Variants in ARHGAP32 observed in about 807,000 individuals in gnomAD.
The protein encoded by ARHGAP32 is rho GTPase-activating protein 32.
Under a neutral mutation model 186.5 loss-of-function variants are expected in ARHGAP32, and 51 were observed. That is an observed-to-expected ratio of 0.27 (90% CI 0.22 to 0.35). The LOEUF (loss-of-function observed/expected upper bound fraction) is 0.35, where lower values mean the gene tolerates loss of function less well. ARHGAP32 is among the 10% of genes least tolerant of loss of function. ARHGAP32 has a pLI of 1.00. For missense variants in ARHGAP32, 2,186 were observed against 2,623.5 expected (o/e 0.83, Z 3.64); for synonymous variants, 950 against 964.3 (o/e 0.99, Z 0.27).
rs766199737 is a variant in ARHGAP32, at chr11:128,980,624, A to G, written c.1905T>C (p.Tyr635=). The G allele has an allele frequency of 3.7e-6, 6 of 1,613,866 alleles. No homozygotes were observed. Among genetic ancestry groups the G allele is most frequent in the Non-Finnish European group, 5.1e-6 (6 of 1,179,924 alleles). Residue 635 remains tyrosine (Y), a synonymous_variant, in exon 18 of 23, where the codon TAT becomes TAC. Transcript: ENST00000682385. ...VNSPIVTENK[Y]IEVGEGPAAL... ...CAGCAGGTCCTTCTCCTACTTCGAT[A>G]TATTTATTTTCCGTCACAATTGGAG...
intron 10 of ARHGAP32, among the ~76,000 whole-genome samples, chr11:129,048,436 T>A (rs1436135567): frequency 1.3e-5 from 2 of 151,698 alleles, no homozygotes; most frequent in Non-Finnish European, 2.9e-5. Flanking sequence ...AAAAAGAAAA[T>A]CAGATACTAA....
At chr11:129,254,502 G>C (rs1301322808) in intron 1 of ARHGAP32, among the ~76,000 whole-genome samples, 1 of 152,060 alleles carries the variant, frequency 6.6e-6, no homozygotes, top group African/African-American at 2.4e-5. Context: ...TCCTCCAACA[G>C]AAGCAATGTG....
intron 10 of ARHGAP32, among the ~76,000 whole-genome samples, chr11:129,055,598 G>T (rs942091942): frequency 2.6e-5 from 4 of 152,104 alleles, no homozygotes; most frequent in African/African-American, 9.7e-5. Context: ...ATTAGATAGT[G>T]ATTCAAAAAG....
chr11:129,149,056 A>T (rs1292273889), intron 2 of ARHGAP32, among the ~76,000 whole-genome samples: 1 of 152,174 alleles, frequency 6.6e-6, no homozygotes, highest in Admixed American at 6.5e-5. Flanking sequence ...TGGGGGCTTT[A>T]TGGCCCCATC....
At chr11:129,163,713 A>T (rs797012494) in intron 2 of ARHGAP32, among the ~76,000 whole-genome samples, 5 of 152,310 alleles carry the variant, frequency 3.3e-5, no homozygotes, top group African/African-American at 1.2e-4. Context: ...TACTCACAGT[A>T]ACCTGAGACT....
intron 19 of ARHGAP32, among the ~76,000 whole-genome samples, chr11:128,977,575 C>T (rs1319813280): frequency 6.6e-6 from 1 of 152,136 alleles, no homozygotes; most frequent in Admixed American, 6.5e-5. Flanking sequence ...AGGTGAATCC[C>T]TACTTCTCCT....
At chr11:129,011,267 C>T (rs762444394) in intron 11 of ARHGAP32, among the ~76,000 whole-genome samples, 3 of 152,178 alleles carry the variant, frequency 2.0e-5, no homozygotes, top group Non-Finnish European at 2.9e-5. Context: ...TAAACTGAGG[C>T]AGAGAATGCT....
intron 1 of ARHGAP32, among the ~76,000 whole-genome samples, chr11:129,258,281 A>C (rs1591723800): frequency 1.3e-5 from 2 of 152,322 alleles, no homozygotes; most frequent in Admixed American, 1.3e-4. Context: ...TAAAAGATAC[A>C]TTGATCAACC....
In ARHGAP32 at chr11:129,277,956, G is replaced by C. The variant is rs139961779; in HGVS notation, c.-5+1190C>G. 5.3e-4 allele frequency among the ~76,000 whole-genome samples: 81 copies of C among 152,320 alleles called. 1 individual carries two copies. The highest frequency in any genetic ancestry group is 1.6e-3 in the African/African-American group (67 of 41,574). ...TATCCAATAAGGAAGGATATATTGAGTCACAACCATAAATACTCAAAAATA... is the reference window on the plus strand; with the variant it reads ...TATCCAATAAGGAAGGATATATTGACTCACAACCATAAATACTCAAAAATA... On this transcript the variant is annotated intron_variant, in intron 1 of 6. Coordinates refer to the ARHGAP32 transcript ENST00000525234.
intron 1 of ARHGAP32, among the ~76,000 whole-genome samples, chr11:129,249,595 T>C (rs1461801333): frequency 6.6e-6 from 1 of 152,134 alleles, no homozygotes; most frequent in Non-Finnish European, 1.5e-5. Context: ...TGAAAATCTA[T>C]CCCGAACTGT....
intron 2 of ARHGAP32, 98 bp from the exon 3 acceptor site, chr11:129,124,992 T>C: frequency 1.4e-6 from 1 of 739,214 alleles, no homozygotes; most frequent in East Asian, 2.7e-5. Context: ...TGCTGACTTT[T>C]TACCTACAAA....
At chr11:129,100,973 T>C (rs1260426666) in intron 5 of ARHGAP32, among the ~76,000 whole-genome samples, 3 of 152,138 alleles carry the variant, frequency 2.0e-5, no homozygotes, top group African/African-American at 7.2e-5. Flanking sequence ...ATGAAATGCT[T>C]TGACTGTCAC....
At chr11:129,189,111 C>CA (rs1030245859) in intron 1 of ARHGAP32, among the ~76,000 whole-genome samples, 3 of 151,668 alleles carry the variant, frequency 2.0e-5, no homozygotes, top group Non-Finnish European at 1.5e-5. Flanking sequence ...ATAACCTCCT[C>CA]AAAAAAAAGG....
At chr11:129,128,406 A>G (rs1312398592) in intron 2 of ARHGAP32, among the ~76,000 whole-genome samples, 1 of 152,212 alleles carries the variant, frequency 6.6e-6, no homozygotes, top group African/African-American at 2.4e-5. Flanking sequence ...AAAATTTAGC[A>G]GCCTTCAAGG....
intron 1 of ARHGAP32, among the ~76,000 whole-genome samples, chr11:129,215,449 T>C (rs142665255): frequency 1.6e-4 from 25 of 152,318 alleles, no homozygotes; most frequent in African/African-American, 5.3e-4. Flanking sequence ...ACAACAGAAA[T>C]GTATTCTCTT....
chr11:128,965,750 G>C lies in ARHGAP32; in HGVS notation c.*3157C>G, dbSNP rs1019838765. The C allele has an allele frequency of 2.0e-5, 3 of 152,184 alleles. No homozygotes were observed. The highest frequency in any genetic ancestry group is 7.2e-5 in the African/African-American group (3 of 41,438). The allele number at this position is 152,184 out of a possible 1,614,324, so 9.4% of individuals were successfully genotyped here. On this transcript the variant is annotated 3_prime_UTR_variant, in exon 23 of 23. Coordinates refer to ENST00000682385, the MANE Select transcript of ARHGAP32 (RefSeq NM_001378024.1). Reference sequence around the variant, plus strand: ...CAACATCCTAAATGGGTGACTGACAGGGCTGAAAACAGAGAAATGGACTTT... The same window carrying C: ...CAACATCCTAAATGGGTGACTGACACGGCTGAAAACAGAGAAATGGACTTT...
At position 129,123,984 on chromosome 11, in the gene ARHGAP32, C is replaced by A; in HGVS notation, c.318-55G>T. On this transcript the variant is annotated intron_variant, in intron 3 of 22. Coordinates refer to ENST00000682385, the MANE Select transcript of ARHGAP32 (RefSeq NM_001378024.1). This position sits in a 1 kb window ranked among gnomAD's most constrained non-coding sequence, Gnocchi z 4.6. ...GTCTTTCCTCTACTTACACATGAAGCATAACTATCTAACTCTACTAAGTGA... is the reference window on the plus strand; with the variant it reads ...GTCTTTCCTCTACTTACACATGAAGAATAACTATCTAACTCTACTAAGTGA... The A allele has an allele frequency of 8.3e-7, 1 of 1,201,144 alleles. No homozygotes were observed. The highest frequency in any genetic ancestry group is 1.1e-6 in the Non-Finnish European group (1 of 914,108). 74.4% of individuals were successfully genotyped at this position (1,201,144 alleles called of 1,614,324 possible). A position where few individuals can be genotyped will look rare whatever the true frequency, so the allele number is the denominator to read the frequency against.
chr11:129,211,636 G>T (rs1233380278), intron 1 of ARHGAP32, among the ~76,000 whole-genome samples: 1 of 152,094 alleles, frequency 6.6e-6, no homozygotes, highest in Non-Finnish European at 1.5e-5. Flanking sequence ...ACCCACTTGT[G>T]TAACTTAAAG....
exon 1 of ARHGAP32, chr11:129,279,179 T>C (rs1210286842): frequency 7.1e-6 from 1 of 140,172 alleles, no homozygotes; most frequent in Non-Finnish European, 1.6e-5. Flanking sequence ...CGCCGCGGCG[T>C]CCCTGCGCCC....
Sources: gnomAD v4.1 joint callset for allele counts (sites outside exome capture counted in the v4.1 genomes callset) on GRCh38, gnomAD v4.1.1 for gene constraint, Gnocchi (gnomAD v3.1) non-coding constraint, MANE v1.5 for transcripts, NCBI Gene and HGNC (gene_info 2026-07-23, HGNC 2026-07-21) for gene names.